ZNF500: variants seen among roughly 807,000 people sequenced by gnomAD.
ZNF500 encodes zinc finger protein 500.
Under a neutral mutation model 30.1 loss-of-function variants are expected in ZNF500, and 31 were observed. The observed-to-expected ratio is 1.03, with a 90% CI of 0.77 to 1.39. The LOEUF (loss-of-function observed/expected upper bound fraction) is 1.39, where lower values mean the gene tolerates loss of function less well. ZNF500 is among the 40% of genes most tolerant of loss of function. The pLI, the probability that ZNF500 is intolerant of heterozygous loss-of-function variation, is 0.00. For synonymous variants in ZNF500, 392 were observed against 282.0 expected (o/e 1.39, Z -3.91); for missense variants, 817 against 657.8 (o/e 1.24, Z -2.65).
intron 5 of ZNF500, among the ~76,000 whole-genome samples, chr16:4,757,972 G>T (rs1475047538): frequency 6.6e-6 from 1 of 150,486 alleles, no homozygotes; most frequent in African/African-American, 2.4e-5. Context: ...CGTGATCTTG[G>T]CTTACTGCAA....
At chr16:4,753,163 C>T in intron 5 of ZNF500, 105 bp from the exon 6 acceptor site, 1 of 1,447,278 alleles carries the variant, frequency 6.9e-7, no homozygotes, top group African/African-American at 1.4e-5. Flanking sequence ...GGTTCCCCTA[C>T]AAAACATTTA....
intron 5 of ZNF500, among the ~76,000 whole-genome samples, chr16:4,755,536 C>T (rs1416257913): frequency 6.6e-6 from 1 of 152,060 alleles, no homozygotes; most frequent in Admixed American, 6.6e-5. Context: ...AGGCTGGTCT[C>T]GAACTCCTGA....
At chr16:4,747,190 G>A, downstream of ZNF500, 25 of 1,218,136 alleles carry the variant, frequency 2.1e-5, no homozygotes, top group South Asian at 3.3e-4. Context: ...CGTCCACTGG[G>A]TCCCAGCAGT....
At chr16:4,758,831 A>C (rs1020899515) in intron 5 of ZNF500, among the ~76,000 whole-genome samples, 1 of 152,210 alleles carries the variant, frequency 6.6e-6, no homozygotes, top group African/African-American at 2.4e-5. Context: ...AAAAACGATC[A>C]ACTGGACACT....
Position 4,752,835 on chromosome 16 carries a change from G to A in ZNF500, c.984C>T (p.Pro328=), listed in dbSNP as rs538885266. 3.6e-5 allele frequency: 58 copies of A among 1,614,202 alleles called. No individual in the cohort carries two copies. The highest frequency in any genetic ancestry group is 6.7e-5 in the African/African-American group (5 of 75,062). The change falls in exon 6 of 6, where the codon CCC becomes CCT. Residue 328 remains proline, a synonymous_variant. Transcript: ENST00000219478. ...SHGADKPYTC[P]ECGKGFSKTS... ...TCTTGCTGAAGCCTTTGCCACATTC[G>A]GGGCAGGTGTACGGCTTGTCAGCCC... is the stretch of plus-strand genomic sequence containing the variant.
chr16:4,745,678 C>G (rs1008337596), downstream of ZNF500, among the ~76,000 whole-genome samples: 8 of 152,148 alleles, frequency 5.3e-5, no homozygotes, highest in South Asian at 1.7e-3. Flanking sequence ...TGGCTGGGCG[C>G]GGTGGCTCAT....
chr16:4,746,723 T>C, downstream of ZNF500: 1 of 789,852 alleles, frequency 1.3e-6, no homozygotes. Context: ...GGCTGGGCTC[T>C]ATGCAATAGA....
Position 4,765,653 on chromosome 16 carries a change from C to G in ZNF500, c.326G>C (p.Arg109Pro). The G allele has an allele frequency of 1.2e-6, 2 of 1,613,612 alleles. No individual in the cohort carries two copies. Among genetic ancestry groups the G allele is most frequent in the Non-Finnish European group, 1.7e-6 (2 of 1,179,968 alleles). ...GCTCTCCGGCTGCTGCTCGCGTACC[C>G]GAGCCTGGATCTCCCCCGGCAGCAC... ...LTVLPGEIQARVREQQPESGE... is the reference protein window; with the variant it reads ...LTVLPGEIQAPVREQQPESGE... Residue 109 changes from arginine (R) to proline (P), a missense_variant, in exon 2 of 6, where the codon CGG becomes CCG. Transcript: ENST00000219478.
chr16:4,752,940 C>G lies in ZNF500; in HGVS notation c.879G>C (p.Gln293His), dbSNP rs954816243. Reference protein sequence around the residue: ...CQGPGHPLPGQRPAPVRGLVR... With the variant: ...CQGPGHPLPGHRPAPVRGLVR... ...CCAAGCCCCTGACTGGGGCTGGCCTCTGACCTGGGAGCGGGTGGCCAGGCC... is the reference window on the plus strand; with the variant it reads ...CCAAGCCCCTGACTGGGGCTGGCCTGTGACCTGGGAGCGGGTGGCCAGGCC... Residue 293 changes from glutamine (Q) to histidine (H), a missense_variant, in exon 6 of 6, where the codon CAG (glutamine) becomes CAC (histidine). Gln to His is a conservative substitution (Grantham distance 24). Coordinates refer to ENST00000219478, the MANE Select transcript of ZNF500 (RefSeq NM_021646.4). The G allele has an allele frequency of 1.9e-6, 3 of 1,612,302 alleles. No individual in the cohort carries two copies. Among genetic ancestry groups the G allele is most frequent in the Non-Finnish European group, 1.7e-6 (2 of 1,179,186 alleles).
At chr16:4,756,861 G>A (rs981939913) in intron 5 of ZNF500, among the ~76,000 whole-genome samples, 8 of 151,940 alleles carry the variant, frequency 5.3e-5, no homozygotes, top group African/African-American at 7.3e-5. Context: ...ATTGACCTGT[G>A]GTACCAGCTA....
intron 5 of ZNF500, among the ~76,000 whole-genome samples, chr16:4,756,886 G>A (rs1169503763): frequency 6.6e-6 from 1 of 152,044 alleles, no homozygotes; most frequent in Non-Finnish European, 1.5e-5. Flanking sequence ...GGAGGCTGAG[G>A]TGGTAGAATC....
At chr16:4,761,087 G>A (rs1011455011) in intron 4 of ZNF500, among the ~76,000 whole-genome samples, 1 of 152,104 alleles carries the variant, frequency 6.6e-6, no homozygotes, top group Non-Finnish European at 1.5e-5. Flanking sequence ...AGAGGCTGAG[G>A]GAAAAACAGG....
At chr16:4,763,150 C>T (rs1159216616) in intron 2 of ZNF500, 2 of 984,560 alleles carry the variant, frequency 2.0e-6, no homozygotes, top group Non-Finnish European at 2.4e-6. Context: ...GTAATTCCAG[C>T]ACTTTGGGAG....
At chr16:4,757,084 C>T (rs547916249) in intron 5 of ZNF500, among the ~76,000 whole-genome samples, 1 of 152,252 alleles carries the variant, frequency 6.6e-6, no homozygotes, top group East Asian at 1.9e-4. Flanking sequence ...AGTTTTGGAA[C>T]TAGATGAAGG....
intron 1 of ZNF500, among the ~76,000 whole-genome samples, chr16:4,766,505 C>T (rs1033119517): frequency 2.0e-5 from 3 of 152,110 alleles, no homozygotes; most frequent in Admixed American, 6.6e-5. Flanking sequence ...TCTGTAATCC[C>T]AGCAACTCGG....
At chr16:4,759,421 G>A (rs1166213836) in intron 5 of ZNF500, among the ~76,000 whole-genome samples, 1 of 151,884 alleles carries the variant, frequency 6.6e-6, no homozygotes, top group Non-Finnish European at 1.5e-5. Flanking sequence ...GGAAAGCAGA[G>A]TTGATCAGAG....
chr16:4,753,816 A>G (rs1171625123), intron 5 of ZNF500, among the ~76,000 whole-genome samples: 1 of 152,216 alleles, frequency 6.6e-6, no homozygotes, highest in East Asian at 1.9e-4. Context: ...ATCTGGCCCA[A>G]ATGCCAGCAG....
Position 4,752,005 on chromosome 16 carries a change from C to G in ZNF500, c.*371G>C. The G allele has an allele frequency of 1.8e-6, 2 of 1,123,888 alleles. No individual in the cohort carries two copies. Among genetic ancestry groups the G allele is most frequent in the Non-Finnish European group, 2.3e-6 (2 of 875,246 alleles). The allele number at this position is 1,123,888 out of a possible 1,614,324, so 69.6% of individuals were successfully genotyped here. A position where few individuals can be genotyped will look rare whatever the true frequency, so the allele number is the denominator to read the frequency against. On this transcript the variant is annotated 3_prime_UTR_variant, in exon 6 of 6. Coordinates refer to ENST00000219478, the MANE Select transcript of ZNF500 (RefSeq NM_021646.4). ...GAGGGGTTGGGACGTGGGGATGAGG[C>G]TGTATGCCAGCAGCCACTGGATGCT... is the stretch of plus-strand genomic sequence containing the variant.
At chr16:4,754,799 A>C (rs2082119758) in intron 5 of ZNF500, among the ~76,000 whole-genome samples, 1 of 152,184 alleles carries the variant, frequency 6.6e-6, no homozygotes, top group Non-Finnish European at 1.5e-5. Flanking sequence ...CTATGTCCTC[A>C]CCCAAATCTC....
Sources: gnomAD v4.1 joint callset for allele counts (sites outside exome capture counted in the v4.1 genomes callset) on GRCh38, gnomAD v4.1.1 for gene constraint, MANE v1.5 for transcripts, NCBI Gene and HGNC (gene_info 2026-07-23, HGNC 2026-07-21) for gene names.